Variants in C12orf42 observed in about 807,000 individuals in gnomAD.
C12orf42 encodes uncharacterized protein C12orf42.
A neutral mutation model predicts 21.6 loss-of-function variants in C12orf42; 25 were observed. The observed-to-expected ratio is 1.16, with a 90% CI of 0.84 to 1.62. C12orf42 has a LOEUF of 1.62. Ranked by LOEUF, C12orf42 falls within the 40% of genes most tolerant of loss-of-function variation. C12orf42 has a pLI of 0.00. For missense variants in C12orf42, 483 were observed against 459.3 expected (o/e 1.05, Z -0.47); for synonymous variants, 174 against 175.0 (o/e 0.99, Z 0.05).
chr12:103,284,443 A>T (rs80276879), intron 4 of C12orf42, among the ~76,000 whole-genome samples: 2,606 of 152,286 alleles, frequency 0.017, 22 homozygotes, highest in Middle Eastern at 0.044. Context: ...AGTGACTGAC[A>T]TTGTCTGCCC....
At chr12:103,552,092 G>A in the C12orf42 span, among the ~76,000 whole-genome samples, 2 of 151,976 alleles carry the variant, frequency 1.3e-5, no homozygotes, top group African/African-American at 2.4e-5. Flanking sequence ...TTGACCTTGA[G>A]GTTTGCTTGT....
At chr12:103,210,561 G>A in the C12orf42 span, among the ~76,000 whole-genome samples, 1 of 150,090 alleles carries the variant, frequency 6.7e-6, no homozygotes. Context: ...CTCTTTTATG[G>A]GCTATATTGC....
the C12orf42 span, among the ~76,000 whole-genome samples, chr12:103,207,369 T>C: frequency 6.6e-6 from 1 of 152,348 alleles, no homozygotes; most frequent in South Asian, 2.1e-4. Flanking sequence ...TTTGAGTAAC[T>C]GCCCAGATTC....
At chr12:103,438,982 G>C (rs1013599809) in intron 2 of C12orf42, among the ~76,000 whole-genome samples, 10 of 152,138 alleles carry the variant, frequency 6.6e-5, no homozygotes, top group Non-Finnish European at 1.2e-4. Flanking sequence ...AAAGCTGGAG[G>C]CATCACACTA....
the C12orf42 span, among the ~76,000 whole-genome samples, chr12:103,112,599 T>C: frequency 6.6e-5 from 10 of 152,294 alleles, no homozygotes; most frequent in African/African-American, 2.4e-4. Context: ...AGGCAGAGGT[T>C]GCAGTGAACC....
chr12:103,150,163 C>T, the C12orf42 span, among the ~76,000 whole-genome samples: 1 of 152,136 alleles, frequency 6.6e-6, no homozygotes, highest in Non-Finnish European at 1.5e-5. Context: ...AAATCTCTGT[C>T]ACTGCTGATA....
intron 1 of C12orf42, among the ~76,000 whole-genome samples, chr12:103,488,149 T>C (rs930846441): frequency 6.6e-6 from 1 of 152,242 alleles, no homozygotes; most frequent in African/African-American, 2.4e-5. Context: ...AAGGCAGGCC[T>C]GGTGGTGATA....
intron 2 of C12orf42, among the ~76,000 whole-genome samples, chr12:103,472,750 A>G (rs959989238): frequency 7.2e-5 from 11 of 152,196 alleles, no homozygotes; most frequent in South Asian, 2.1e-4. Context: ...ACAAACCACA[A>G]TGATAAAGGA....
chr12:103,317,173 G>A (rs935739935), intron 4 of C12orf42, among the ~76,000 whole-genome samples: 2 of 152,226 alleles, frequency 1.3e-5, no homozygotes, highest in African/African-American at 4.8e-5. Context: ...ATGTGGGAAA[G>A]TAAACTTGCT....
At chr12:103,516,828 A>G in the C12orf42 span, among the ~76,000 whole-genome samples, 5 of 152,348 alleles carry the variant, frequency 3.3e-5, no homozygotes, top group South Asian at 1.0e-3. Context: ...AAATGACAAA[A>G]GCAATAAGAA....
chr12:103,195,505 A>G, the C12orf42 span, among the ~76,000 whole-genome samples: 2 of 152,126 alleles, frequency 1.3e-5, no homozygotes, highest in Non-Finnish European at 2.9e-5. Context: ...ATGAGATGCT[A>G]TCTCATTGTG....
At chr12:103,324,864 C>T (rs1395433231) in intron 4 of C12orf42, among the ~76,000 whole-genome samples, 1 of 152,156 alleles carries the variant, frequency 6.6e-6, no homozygotes, top group Non-Finnish European at 1.5e-5. Context: ...TTCCAATGAC[C>T]TAACATGGAG....
chr12:103,413,133 T>C (rs1406680484), intron 2 of C12orf42, among the ~76,000 whole-genome samples: 1 of 152,226 alleles, frequency 6.6e-6, no homozygotes, highest in African/African-American at 2.4e-5. Context: ...TTAATTTTTG[T>C]ACATGGGTGA....
At chr12:103,153,156 A>T in the C12orf42 span, among the ~76,000 whole-genome samples, 44,832 of 152,014 alleles carry the variant, frequency 0.29, 7,685 homozygotes, top group African/African-American at 0.46. Context: ...CTTACTTTAC[A>T]TTGTGTACCA....
chr12:103,241,265 A>G (rs1036413603), intron 10 of C12orf42, among the ~76,000 whole-genome samples: 53 of 151,786 alleles, frequency 3.5e-4, no homozygotes, highest in African/African-American at 1.2e-3. Context: ...CCCCCACCCC[A>G]TAACAGCATA....
chr12:103,127,666 A>G, the C12orf42 span, among the ~76,000 whole-genome samples: 1 of 152,192 alleles, frequency 6.6e-6, no homozygotes, highest in Non-Finnish European at 1.5e-5. Context: ...GGTGGTAATA[A>G]CAGCATCTAA....
chr12:103,391,163 A>T (rs1017874345), intron 3 of C12orf42, among the ~76,000 whole-genome samples: 18 of 103,254 alleles, frequency 1.7e-4, no homozygotes, highest in South Asian at 3.2e-4. Flanking sequence ...ATTCGGTTTT[A>T]TATATATATA....
the C12orf42 span, among the ~76,000 whole-genome samples, chr12:103,225,530 G>A: frequency 3.9e-5 from 6 of 151,972 alleles, no homozygotes; most frequent in African/African-American, 9.7e-5. Context: ...GGGTTAAGGT[G>A]GGGGGATACA....
the C12orf42 span, among the ~76,000 whole-genome samples, chr12:103,169,622 C>T: frequency 6.6e-6 from 1 of 152,084 alleles, no homozygotes; most frequent in Non-Finnish European, 1.5e-5. Context: ...TTTTCAAAAC[C>T]TGTAGATTAC....
Sources: allele counts gnomAD v4.1 joint callset (sites outside exome capture counted in the v4.1 genomes callset), GRCh38; gene constraint gnomAD v4.1.1; transcripts MANE v1.5; gene names NCBI Gene and HGNC (gene_info 2026-07-23, HGNC 2026-07-21).